Variants in FKBP1A observed in about 807,000 individuals in gnomAD.
FKBP1A encodes the protein peptidyl-prolyl cis-trans isomerase FKBP1A.
A neutral mutation model predicts 14.2 loss-of-function variants in FKBP1A; 5 were observed. That is an observed-to-expected ratio of 0.35 (90% CI 0.18 to 0.74). The LOEUF is 0.74. FKBP1A is among the 30% of genes least tolerant of loss of function. The pLI is 0.56. For missense variants in FKBP1A, 53 were observed against 138.8 expected, an observed-to-expected ratio of 0.38 and a Z score of 3.10; for synonymous variants, 42 against 49.1, an observed-to-expected ratio of 0.86 and a Z score of 0.60.
rs1252846155 is a variant in FKBP1A, at chr20:1,386,093, A to G, written c.85+6741T>C. Among the ~76,000 whole-genome samples the G allele has an allele frequency of 6.6e-6, 1 of 152,270 alleles. No individual in the cohort carries two copies. The highest frequency in any genetic ancestry group is 1.5e-5 in the Non-Finnish European group (1 of 68,044). On this transcript the variant is annotated intron_variant, in intron 2 of 4. Coordinates refer to ENST00000400137, the MANE Select transcript of FKBP1A (RefSeq NM_000801.5). This position sits in a 1 kb window ranked among gnomAD's most constrained non-coding sequence, Gnocchi z 4.7. ...GTAGCCAGGACAGTGTCTTGTACAT[A>G]GCAGACATTCATCAAGTACTTACAG... is the stretch of plus-strand genomic sequence containing the variant.
chr20:1,390,864 G>A (rs2089727610), intron 2 of FKBP1A, among the ~76,000 whole-genome samples: 1 of 152,162 alleles, frequency 6.6e-6, no homozygotes, highest in African/African-American at 2.4e-5. Context: ...AAATCAAAAA[G>A]AAAGCTTTTG....
rs754306267 is a variant in FKBP1A at position 1,372,068 on chromosome 20, T to C, written c.*36+8A>G. 3.0e-5 allele frequency: 48 copies of C among 1,611,380 alleles called. No homozygotes were observed. Among genetic ancestry groups the C allele is most frequent in the Non-Finnish European group, 3.7e-5 (44 of 1,178,734 alleles). ...AGTGAAGGGCCCTTCAGTATTCCAT[T>C]TCCTTACCCAAGAACAGGGAGCTAA... On this transcript the variant is annotated splice_region_variant and intron_variant, in intron 4 of 4. Coordinates refer to ENST00000400137, the MANE Select transcript of FKBP1A (RefSeq NM_000801.5).
Position 1,393,054 on chromosome 20 carries a change from C to G in FKBP1A, c.-56G>C. ...CGCGACGGGCGGCGTGGACCAACAG[C>G]GACCTGGCGGCGGTTCCACGGCTCT... On this transcript the variant is annotated 5_prime_UTR_variant, in exon 1 of 5. Coordinates refer to ENST00000400137, the MANE Select transcript of FKBP1A (RefSeq NM_000801.5). The G allele has an allele frequency of 1.7e-6, 2 of 1,194,514 alleles. No homozygotes were observed. The highest frequency in any genetic ancestry group is 2.3e-6 in the Non-Finnish European group (2 of 885,260). The allele number at this position is 1,194,514 out of a possible 1,614,324, so 74.0% of individuals were successfully genotyped here.
intron 3 of FKBP1A, among the ~76,000 whole-genome samples, chr20:1,373,705 G>A (rs547294902): frequency 1.3e-5 from 2 of 152,140 alleles, no homozygotes; most frequent in South Asian, 2.1e-4. Context: ...ACACTATCTC[G>A]ATGGCAGATA....
At chr20:1,381,403 T>C (rs1044295697) in intron 2 of FKBP1A, among the ~76,000 whole-genome samples, 3 of 152,210 alleles carry the variant, frequency 2.0e-5, no homozygotes, top group Admixed American at 1.3e-4. Flanking sequence ...CCACCACTGA[T>C]TAGAATGAGT....
chr20:1,387,339 A>C (rs2089678290), intron 2 of FKBP1A, among the ~76,000 whole-genome samples: 1 of 152,166 alleles, frequency 6.6e-6, no homozygotes, highest in Admixed American at 6.5e-5. Context: ...GAGCCTGTCA[A>C]AAAGGTACTG....
In FKBP1A at chr20:1,370,050, C is replaced by A; in HGVS notation, c.*59G>T. The A allele has an allele frequency of 6.5e-7, 1 of 1,549,980 alleles. No homozygotes were observed. ...GGATTCATGTGCACATGTCTGGAGG[C>A]ACCAGATCCCTCCATGGCAGATCTG... On this transcript the variant is annotated 3_prime_UTR_variant, in exon 5 of 5. Transcript: ENST00000400137.
intron 4 of FKBP1A, chr20:1,371,633 C>T (rs2089465514): frequency 3.7e-6 from 3 of 820,622 alleles, no homozygotes; most frequent in African/African-American, 1.9e-5. Flanking sequence ...AAGAGAGAGC[C>T]GCAGAAGCTA....
chr20:1,374,108 C>T (rs562973847), intron 3 of FKBP1A, among the ~76,000 whole-genome samples: 38 of 152,318 alleles, frequency 2.5e-4, no homozygotes, highest in Non-Finnish European at 4.3e-4. Flanking sequence ...ATTTCTAATT[C>T]TCCTGGGTGA....
chr20:1,382,651 C>A (rs747611), intron 2 of FKBP1A, among the ~76,000 whole-genome samples: 28,623 of 152,098 alleles, frequency 0.19, 3,074 homozygotes, highest in African/African-American at 0.27. Flanking sequence ...TTTAGACCTT[C>A]TTCCCTATAT....
At chr20:1,370,894 G>A (rs2122650555) in intron 4 of FKBP1A, 1 of 985,504 alleles carries the variant, frequency 1.0e-6, no homozygotes, top group East Asian at 1.1e-4. Flanking sequence ...CAAAGGCCCT[G>A]TAAAGTGCCA....
At chr20:1,371,858 C>T in intron 4 of FKBP1A, 2 of 1,246,716 alleles carry the variant, frequency 1.6e-6, no homozygotes, top group South Asian at 2.9e-5. Context: ...ATGAGTTGAA[C>T]TGGGAACATA....
chr20:1,390,020 CAGA>C (rs778336315), intron 2 of FKBP1A, among the ~76,000 whole-genome samples: 1 of 152,146 alleles, frequency 6.6e-6, no homozygotes, highest in Non-Finnish European at 1.5e-5. Context: ...TGTGCTCTGC[CAGA>C]AGGTCACGGA....
intron 3 of FKBP1A, chr20:1,373,197 C>G (rs1396168730): frequency 6.6e-6 from 1 of 152,220 alleles, no homozygotes; most frequent in Non-Finnish European, 1.5e-5. Context: ...TTACCTTGTA[C>G]AATTCAAAAC....
chr20:1,370,726 T>G (rs2089452966), intron 4 of FKBP1A: 1 of 985,380 alleles, frequency 1.0e-6, no homozygotes, highest in African/African-American at 1.7e-5. Context: ...CCTTTATCCC[T>G]CTCTCCCCTC....
intron 2 of FKBP1A, among the ~76,000 whole-genome samples, chr20:1,385,470 T>C (rs959606145): frequency 6.6e-6 from 1 of 152,176 alleles, no homozygotes; most frequent in East Asian, 1.9e-4. Flanking sequence ...GGTATAATGG[T>C]TAAAGGCATG....
intron 4 of FKBP1A, chr20:1,370,436 T>C: frequency 1.0e-6 from 1 of 970,398 alleles, no homozygotes; most frequent in Non-Finnish European, 1.2e-6. Flanking sequence ...TCTTAATGCC[T>C]GGGTTCCACT....
chr20:1,384,953 A>G lies in FKBP1A; in HGVS notation c.85+7881T>C, dbSNP rs184831931. On this transcript the variant is annotated intron_variant, in intron 2 of 4. Transcript: ENST00000400137. The stretch of plus-strand genomic sequence containing the variant: ...TTCAAAGGCAGGGCCCATGATGGGA[A>G]GAATATGCAGGATCCAACGGCAATA... Among the ~76,000 whole-genome samples, 71 of 152,348 alleles carry G rather than the reference A, an allele frequency of 4.7e-4. 1 individual carries two copies. Among genetic ancestry groups the G allele is most frequent in the African/African-American group, 1.7e-3 (71 of 41,568 alleles).
At chr20:1,370,154 C>A (rs1309103545) in intron 4 of FKBP1A, 82 bp from the exon 5 acceptor site, 2 of 1,515,122 alleles carry the variant, frequency 1.3e-6, no homozygotes, top group African/African-American at 1.4e-5. Flanking sequence ...TGCCATCTGC[C>A]ACGCCAAATC....
Sources: gnomAD v4.1 joint callset for allele counts (sites outside exome capture counted in the v4.1 genomes callset) on GRCh38, gnomAD v4.1.1 for gene constraint, Gnocchi (gnomAD v3.1) non-coding constraint, MANE v1.5 for transcripts, NCBI Gene and HGNC (gene_info 2026-07-23, HGNC 2026-07-21) for gene names.